Variants in NTN1 observed in about 807,000 individuals in gnomAD.
The protein encoded by NTN1 is netrin-1.
A neutral mutation model predicts 54.2 loss-of-function variants in NTN1; 11 were observed. The ratio of observed to expected loss-of-function variants is 0.20; its 90% CI spans 0.13 to 0.34. The LOEUF is 0.34. NTN1 is among the 10% of genes least tolerant of loss of function. NTN1 has a pLI of 1.00. For missense variants in NTN1, 740 were observed against 893.1 expected, an observed-to-expected ratio of 0.83 and a Z score of 2.18; for synonymous variants, 371 against 382.0, an observed-to-expected ratio of 0.97 and a Z score of 0.33.
intron 2 of NTN1, 130 bp from the exon 3 acceptor site, chr17:9,162,683 A>C: frequency 1.2e-6 from 1 of 833,034 alleles, no homozygotes; most frequent in Non-Finnish European, 1.9e-6. Context: ...CTCCTGGAGC[A>C]CAAGTCTGCC....
intron 2 of NTN1, among the ~76,000 whole-genome samples, chr17:9,035,335 T>C (rs757194540): frequency 1.3e-5 from 2 of 152,230 alleles, no homozygotes; most frequent in Non-Finnish European, 1.5e-5. Context: ...CATCCATGTA[T>C]AGTAGTAGTT....
chr17:9,033,032 C>A (rs1215047200), intron 2 of NTN1, among the ~76,000 whole-genome samples: 1 of 150,326 alleles, frequency 6.7e-6, no homozygotes, highest in African/African-American at 2.5e-5. Flanking sequence ...CAGCTCACTG[C>A]AACCTCTGTT....
At position 9,232,602 on chromosome 17, in the gene NTN1, A is replaced by G. The variant is rs574746649; in HGVS notation, c.1487-7038A>G. 2.0e-4 allele frequency among the ~76,000 whole-genome samples: 31 copies of G among 152,296 alleles called. 3 individuals are homozygous for G. Among genetic ancestry groups the G allele is most frequent in the African/African-American group, 7.0e-4 (29 of 41,518 alleles). Reference sequence around the variant, plus strand: ...CCTCATGTTGTCTAAGTCCTGGGGCAGGGCCCCGGTGGCAGGCACATGGCA... The same window carrying G: ...CCTCATGTTGTCTAAGTCCTGGGGCGGGGCCCCGGTGGCAGGCACATGGCA... On this transcript the variant is annotated intron_variant, in intron 6 of 6. Transcript: ENST00000173229.
At chr17:9,012,575 C>T in the NTN1 span, among the ~76,000 whole-genome samples, 6 of 151,636 alleles carry the variant, frequency 4.0e-5, no homozygotes, top group Non-Finnish European at 5.9e-5. Context: ...GACTTTTGCA[C>T]GTGCCGTTCC....
chr17:9,109,457 T>C (rs541653599), intron 2 of NTN1, among the ~76,000 whole-genome samples: 3 of 152,232 alleles, frequency 2.0e-5, no homozygotes, highest in Non-Finnish European at 4.4e-5. Flanking sequence ...CTACATAGAA[T>C]TCCGTTTCAT....
chr17:9,085,628 C>T (rs559568596), intron 2 of NTN1, among the ~76,000 whole-genome samples: 2 of 152,196 alleles, frequency 1.3e-5, no homozygotes, highest in African/African-American at 2.4e-5. Context: ...GAGCTCTAGC[C>T]TCAGTGACTT....
chr17:9,151,349 G>A (rs957530213), intron 2 of NTN1, among the ~76,000 whole-genome samples: 1 of 152,098 alleles, frequency 6.6e-6, no homozygotes. Context: ...CTAAGCCCTC[G>A]ACAAACACAG....
chr17:9,236,463 G>A (rs572162538), intron 6 of NTN1, among the ~76,000 whole-genome samples: 2 of 152,348 alleles, frequency 1.3e-5, no homozygotes, highest in Admixed American at 6.5e-5. Flanking sequence ...GTATGTGCAT[G>A]GCAGGGGCTT....
At chr17:9,147,059 A>G (rs2092315690) in intron 2 of NTN1, among the ~76,000 whole-genome samples, 2 of 152,170 alleles carry the variant, frequency 1.3e-5, no homozygotes, top group Admixed American at 1.3e-4. Flanking sequence ...TCCATGAGGA[A>G]GAGCTTGTGG....
chr17:9,043,145 C>A (rs2091928203), intron 2 of NTN1, among the ~76,000 whole-genome samples: 1 of 152,072 alleles, frequency 6.6e-6, no homozygotes, highest in Non-Finnish European at 1.5e-5. Context: ...ATATAATAAT[C>A]ACTAAAATAT....
chr17:9,072,960 A>G (rs1430722808), intron 2 of NTN1, among the ~76,000 whole-genome samples: 1 of 152,192 alleles, frequency 6.6e-6, no homozygotes, highest in East Asian at 1.9e-4. Context: ...CTCCTGTAGC[A>G]GGGAGTTGGT....
chr17:9,204,193 C>CCCTCCTTCCTTCCT, intron 5 of NTN1, among the ~76,000 whole-genome samples: 1 of 147,046 alleles, frequency 6.8e-6, no homozygotes, highest in South Asian at 2.2e-4. Context: ...CCTTCCTTCC[C>CCCTCCTTCCTTCCT]TCCTTCCTTC....
chr17:9,232,948 C>G (rs140228799), intron 6 of NTN1, among the ~76,000 whole-genome samples: 1 of 152,190 alleles, frequency 6.6e-6, no homozygotes, highest in South Asian at 2.1e-4. Context: ...TGGGGCTGTG[C>G]GGCTTTCATG....
chr17:9,124,614 C>T (rs1235719568), intron 2 of NTN1, among the ~76,000 whole-genome samples: 1 of 152,236 alleles, frequency 6.6e-6, no homozygotes, highest in African/African-American at 2.4e-5. Context: ...GGGAATCCTG[C>T]ATAGGCCTCC....
intron 5 of NTN1, among the ~76,000 whole-genome samples, chr17:9,207,837 A>C (rs1395073183): frequency 6.6e-6 from 1 of 152,220 alleles, no homozygotes; most frequent in East Asian, 1.9e-4. Flanking sequence ...TTAGCTGTAC[A>C]TCTGTTAAAG....
chr17:9,098,666 A>C (rs1169936623), intron 2 of NTN1, among the ~76,000 whole-genome samples: 2 of 152,204 alleles, frequency 1.3e-5, no homozygotes, highest in Non-Finnish European at 2.9e-5. Context: ...GCATATGAAG[A>C]AAACAAGCAC....
the NTN1 span, among the ~76,000 whole-genome samples, chr17:9,012,576 G>A: frequency 6.7e-6 from 1 of 149,924 alleles, no homozygotes; most frequent in Admixed American, 6.6e-5. Flanking sequence ...ACTTTTGCAC[G>A]TGCCGTTCCC....
At chr17:9,169,561 A>C (rs1203005857) in intron 3 of NTN1, among the ~76,000 whole-genome samples, 6 of 152,278 alleles carry the variant, frequency 3.9e-5, no homozygotes, top group Non-Finnish European at 8.8e-5. Context: ...CCCAAATGCC[A>C]CATAGAAATT....
intron 2 of NTN1, among the ~76,000 whole-genome samples, chr17:9,031,053 C>T (rs573363880): frequency 6.6e-6 from 1 of 152,266 alleles, no homozygotes; most frequent in East Asian, 1.9e-4. Context: ...TAGATTTTTC[C>T]CGTGTCTTTT....
Sources: gnomAD v4.1 joint callset for allele counts (sites outside exome capture counted in the v4.1 genomes callset) on GRCh38, gnomAD v4.1.1 for gene constraint, MANE v1.5 for transcripts, NCBI Gene and HGNC (gene_info 2026-07-23, HGNC 2026-07-21) for gene names.